Variants in RBFOX1 observed in about 807,000 individuals in gnomAD.
RBFOX1 encodes the protein RNA binding protein fox-1 homolog 1.
Under a neutral mutation model 57.7 loss-of-function variants are expected in RBFOX1, and 8 were observed. The ratio of observed to expected loss-of-function variants is 0.14; its 90% CI spans 0.08 to 0.25. RBFOX1 has a LOEUF of 0.25. Among genes scored for constraint, RBFOX1 ranks in the 10% least tolerant of loss-of-function variants. RBFOX1 has a pLI of 1.00. For synonymous variants in RBFOX1, 326 were observed against 222.4 expected (o/e 1.47, Z -4.15); for missense variants, 611 against 548.5 (o/e 1.11, Z -1.14).
intron 3 of RBFOX1, among the ~76,000 whole-genome samples, chr16:5,629,499 T>C (rs2048439468): frequency 6.6e-6 from 1 of 152,232 alleles, no homozygotes; most frequent in African/African-American, 2.4e-5. Flanking sequence ...GAGGGCTTCA[T>C]GGACCATTTA....
At chr16:7,656,406 A>G (rs967200178) in intron 12 of RBFOX1, among the ~76,000 whole-genome samples, 4 of 148,648 alleles carry the variant, frequency 2.7e-5, no homozygotes, top group African/African-American at 9.8e-5. Flanking sequence ...CTTGGAAAGG[A>G]AGAGAGCAGA....
intron 4 of RBFOX1, among the ~76,000 whole-genome samples, chr16:7,205,745 G>A (rs995027853): frequency 6.6e-6 from 1 of 152,216 alleles, no homozygotes; most frequent in Non-Finnish European, 1.5e-5. Context: ...CGAAGTCCCT[G>A]AGTCTTTGAA....
chr16:5,900,735 A>G (rs533384853), intron 4 of RBFOX1, among the ~76,000 whole-genome samples: 1 of 152,302 alleles, frequency 6.6e-6, no homozygotes, highest in South Asian at 2.1e-4. Flanking sequence ...AGCTTCGAGA[A>G]GGACATGAGA....
chr16:5,975,617 C>T (rs954545263), intron 4 of RBFOX1, among the ~76,000 whole-genome samples: 1 of 152,104 alleles, frequency 6.6e-6, no homozygotes, highest in African/African-American at 2.4e-5. Context: ...CAGAAAGTTA[C>T]TTTATCTGTG....
chr16:6,730,932 C>T (rs1162542113), intron 3 of RBFOX1, among the ~76,000 whole-genome samples: 4 of 152,080 alleles, frequency 2.6e-5, no homozygotes, highest in Non-Finnish European at 5.9e-5. Context: ...TTGACAGGTT[C>T]CCCAGCTAGC....
intron 4 of RBFOX1, among the ~76,000 whole-genome samples, chr16:7,309,963 A>G (rs1302677036): frequency 1.3e-5 from 2 of 152,208 alleles, no homozygotes; most frequent in Non-Finnish European, 2.9e-5. Flanking sequence ...AGTTCCATTC[A>G]TCAATAAAGT....
chr16:5,908,157 C>CATATATACACATATATATATACACAT (rs2058514266), intron 4 of RBFOX1, among the ~76,000 whole-genome samples: 3 of 123,142 alleles, frequency 2.4e-5, no homozygotes, highest in Admixed American at 7.9e-5. Flanking sequence ...CATATATACA[C>CATATATACACATATATATATACACAT]ATATATATAC....
At chr16:7,446,757 G>C (rs1026147271) in intron 4 of RBFOX1, among the ~76,000 whole-genome samples, 1 of 141,880 alleles carries the variant, frequency 7.0e-6, no homozygotes, top group African/African-American at 2.6e-5. Flanking sequence ...GTCAACTTAA[G>C]CTCACGTTTT....
At chr16:6,657,587 A>T (rs926837486) in intron 3 of RBFOX1, among the ~76,000 whole-genome samples, 1 of 152,142 alleles carries the variant, frequency 6.6e-6, no homozygotes, top group East Asian at 1.9e-4. Context: ...AAATTTCACC[A>T]CTGGAGTGAT....
intron 3 of RBFOX1, among the ~76,000 whole-genome samples, chr16:5,760,175 A>G (rs963323771): frequency 2.0e-5 from 3 of 152,152 alleles, no homozygotes; most frequent in Non-Finnish European, 2.9e-5. Flanking sequence ...TTTGCCCGGA[A>G]TGTTCCCAGT....
intron 4 of RBFOX1, among the ~76,000 whole-genome samples, chr16:7,483,088 T>C (rs2151288249): frequency 6.6e-6 from 1 of 152,248 alleles, no homozygotes; most frequent in Admixed American, 6.5e-5. Context: ...GTGCTACCCT[T>C]TTATTCACCT....
At chr16:5,384,907 A>G (rs1224172861) in intron 1 of RBFOX1, among the ~76,000 whole-genome samples, 1 of 152,166 alleles carries the variant, frequency 6.6e-6, no homozygotes, top group Non-Finnish European at 1.5e-5. Flanking sequence ...ATGTGTATAA[A>G]GCACCCAGAA....
intron 3 of RBFOX1, among the ~76,000 whole-genome samples, chr16:6,759,839 A>G (rs1045144471): frequency 9.2e-5 from 14 of 152,236 alleles, no homozygotes; most frequent in African/African-American, 3.4e-4. Context: ...ATAGCAAGAC[A>G]GTGGAAAATT....
intron 14 of RBFOX1, among the ~76,000 whole-genome samples, chr16:7,685,819 G>A (rs1310467692): frequency 2.0e-5 from 3 of 152,054 alleles, no homozygotes; most frequent in African/African-American, 7.2e-5. Flanking sequence ...AGGTAACTGT[G>A]TCAAGATTTG....
chr16:6,789,807 C>G (rs1214243434), intron 3 of RBFOX1, among the ~76,000 whole-genome samples: 1 of 151,996 alleles, frequency 6.6e-6, no homozygotes, highest in Non-Finnish European at 1.5e-5. Flanking sequence ...CTTGTAATTT[C>G]TCATTTTCTG....
intron 2 of RBFOX1, among the ~76,000 whole-genome samples, chr16:6,623,998 G>A (rs1456177182): frequency 6.6e-6 from 1 of 152,166 alleles, no homozygotes; most frequent in Non-Finnish European, 1.5e-5. Context: ...TCTAGTTCTA[G>A]ATCCCTGAGG....
intron 3 of RBFOX1, among the ~76,000 whole-genome samples, chr16:5,606,847 G>T (rs2047600209): frequency 2.0e-5 from 3 of 152,158 alleles, no homozygotes; most frequent in Non-Finnish European, 4.4e-5. Context: ...TCAGAAACAT[G>T]GGCATGAACT....
intron 3 of RBFOX1, among the ~76,000 whole-genome samples, chr16:6,862,442 A>G (rs2059183510): frequency 6.6e-6 from 1 of 152,188 alleles, no homozygotes; most frequent in South Asian, 2.1e-4. Flanking sequence ...TGCTATGGGG[A>G]TGCAATGGCA....
intron 2 of RBFOX1, among the ~76,000 whole-genome samples, chr16:5,558,468 AG>A (rs1445880952): frequency 3.3e-5 from 5 of 152,112 alleles, no homozygotes; most frequent in Non-Finnish European, 7.4e-5. Flanking sequence ...ACATCCTGCC[AG>A]GGGGATATGG....
Sources: gnomAD v4.1 joint callset for allele counts (sites outside exome capture counted in the v4.1 genomes callset) on GRCh38, gnomAD v4.1.1 for gene constraint, MANE v1.5 for transcripts, NCBI Gene and HGNC (gene_info 2026-07-23, HGNC 2026-07-21) for gene names.